SAP130: variants seen among roughly 807,000 people sequenced by gnomAD.
SAP130 encodes histone deacetylase complex subunit SAP130.
SAP130 carries 16 observed loss-of-function variants against 103.2 expected under a neutral mutation model. The ratio of observed to expected loss-of-function variants is 0.16; its 90% CI spans 0.10 to 0.24. The LOEUF is 0.24. Among genes scored for constraint, SAP130 ranks in the 10% least tolerant of loss-of-function variants. SAP130 has a pLI of 1.00. For missense variants in SAP130, 990 were observed against 1,359.7 expected, an observed-to-expected ratio of 0.73 and a Z score of 4.28; for synonymous variants, 477 against 497.0, an observed-to-expected ratio of 0.96 and a Z score of 0.53.
chr2:127,973,087 C>CT (rs1344812522), intron 15 of SAP130, among the ~76,000 whole-genome samples: 2 of 152,152 alleles, frequency 1.3e-5, no homozygotes, highest in Non-Finnish European at 2.9e-5. Context: ...ATGCTATGTC[C>CT]TCAAGCCTGG....
Position 127,941,337 on chromosome 2 carries a change from A to C in SAP130, c.*669T>G, listed in dbSNP as rs1051420184. ...ACCAAGAATGTACTTCAGAACAAGG[A>C]TCTGAGAGCAACTTATGGTGTTGCC... On this transcript the variant is annotated 3_prime_UTR_variant, in exon 21 of 21. Coordinates refer to ENST00000643581, the MANE Select transcript of SAP130 (RefSeq NM_001330301.2). 2.6e-5 allele frequency: 4 copies of C among 152,230 alleles called. No individual in the cohort carries two copies. The highest frequency in any genetic ancestry group is 9.7e-5 in the African/African-American group (4 of 41,444). The allele number at this position is 152,230 out of a possible 1,614,324, so 9.4% of individuals were successfully genotyped here. A position where few individuals can be genotyped will look rare whatever the true frequency, so the allele number is the denominator to read the frequency against.
intron 15 of SAP130, among the ~76,000 whole-genome samples, chr2:127,962,716 C>T (rs1278844949): frequency 4.1e-5 from 4 of 97,320 alleles, no homozygotes; most frequent in Non-Finnish European, 6.0e-5. Flanking sequence ...CATCACACAC[C>T]GGGGACTGTT....
chr2:128,005,636 T>C (rs1352072387), intron 7 of SAP130, among the ~76,000 whole-genome samples: 4 of 151,520 alleles, frequency 2.6e-5, no homozygotes, highest in South Asian at 4.2e-4. Context: ...AAACTGTTCA[T>C]ATAGTTTTTC....
intron 4 of SAP130, 25 bp downstream of exon 4, chr2:128,016,364 T>C: frequency 6.2e-7 from 1 of 1,601,546 alleles, no homozygotes; most frequent in Admixed American, 1.7e-5. Context: ...AGTTTGAAAA[T>C]CAGCAAATTA....
Position 127,996,389 on chromosome 2 carries a change from G to T in SAP130, c.1316C>A (p.Ser439Tyr). 6.2e-7 allele frequency: 1 copy of T among 1,611,610 alleles called. No homozygotes were observed. Among genetic ancestry groups the T allele is most frequent in the Non-Finnish European group, 8.5e-7 (1 of 1,178,920 alleles). ...GGTTTCCATGGCCACAGGATTGGGA[G>T]AGGCCCGATGTCCGGAGATGGGAAT... The part of the protein sequence containing the change: ...SLIPISGHRA[S>Y]PNPVAMETRS... Residue 439 changes from serine to tyrosine, a missense_variant, in exon 11 of 21, where the codon TCT (serine) becomes TAT (tyrosine). Around this residue, in one of 6 missense-constraint regions of SAP130, gnomAD observed 336 missense variants for 520.1 expected, o/e 0.65. Transcript: ENST00000643581. The surrounding 1 kb of genome is among the most constrained non-coding windows in gnomAD (Gnocchi z 4.3).
At position 127,976,985 on chromosome 2, in the gene SAP130, A is replaced by G. The variant is rs1198168994; in HGVS notation, c.2063+1000T>C. 2.6e-5 allele frequency among the ~76,000 whole-genome samples: 4 copies of G among 152,254 alleles called. No homozygotes were observed. In the East Asian group the frequency reaches 7.7e-4, roughly 29 times the overall value. On this transcript the variant is annotated intron_variant, in intron 15 of 20. Transcript: ENST00000643581. ...ACGTGGAAAGATACTTATCAGAACT[A>G]TTATCTTGATCATAGAGGAAGTCTA... is the stretch of plus-strand genomic sequence containing the variant.
chr2:128,024,412 G>A (rs749682983), intron 2 of SAP130, among the ~76,000 whole-genome samples: 7 of 152,034 alleles, frequency 4.6e-5, no homozygotes, highest in Non-Finnish European at 7.4e-5. Context: ...AGAAAACGCA[G>A]AGCAATTAAA....
chr2:127,982,630 G>C lies in SAP130; in HGVS notation c.1958+4155C>G, dbSNP rs116692129. ...TTTGATGGGCTGCTTTAAGACCTTAGTGCGTCTGCGAGGCTAAGCAAGACC... is the reference window on the plus strand; with the variant it reads ...TTTGATGGGCTGCTTTAAGACCTTACTGCGTCTGCGAGGCTAAGCAAGACC... On this transcript the variant is annotated intron_variant, in intron 14 of 20. Transcript: ENST00000643581. Among the ~76,000 whole-genome samples, 689 of 152,332 alleles carry C rather than the reference G, an allele frequency of 4.5e-3. 6 individuals carry two copies. The highest frequency in any genetic ancestry group is 0.016 in the African/African-American group (647 of 41,572).
Position 127,996,141 on chromosome 2 carries a change from G to C in SAP130, c.1355+209C>G, listed in dbSNP as rs1344086112. 6.6e-6 allele frequency among the ~76,000 whole-genome samples: 1 copy of C among 151,400 alleles called. No individual in the cohort carries two copies. Among genetic ancestry groups the C allele is most frequent in the Non-Finnish European group, 1.5e-5 (1 of 67,860 alleles). ...TTAAACACACAAAACCCAAAAAATG[G>C]ATACTAGGAAAACATCCATCAAAAG... is the stretch of plus-strand genomic sequence containing the variant. On this transcript the variant is annotated intron_variant, in intron 11 of 20. Coordinates refer to ENST00000643581, the MANE Select transcript of SAP130 (RefSeq NM_001330301.2). This position sits in a 1 kb window ranked among gnomAD's most constrained non-coding sequence, Gnocchi z 4.3.
At chr2:128,016,592 G>A (rs1162615263) in intron 3 of SAP130, 45 bp from the exon 4 acceptor site, 3 of 1,557,920 alleles carry the variant, frequency 1.9e-6, no homozygotes, top group African/African-American at 2.7e-5. Context: ...GCCTCATACT[G>A]GTGATGCATT....
rs535936662 is a variant in SAP130, at chr2:128,018,326, A to C, written c.113-411T>G. Among the ~76,000 whole-genome samples, 104 of 150,066 alleles carry C rather than the reference A, an allele frequency of 6.9e-4. 1 individual carries two copies. Among genetic ancestry groups the C allele is most frequent in the Non-Finnish European group, 1.1e-3 (75 of 67,652 alleles). On this transcript the variant is annotated intron_variant, in intron 2 of 20. Transcript: ENST00000643581. ...CTACTAAAAATACAAAAAAAAAAAA[A>C]AAAAACAAACCAAAAACCAAAAACC...
At position 127,950,172 on chromosome 2, in the gene SAP130, T is replaced by G. The variant is rs772306610; in HGVS notation, c.2659A>C (p.Lys887Gln). 7 of 1,614,064 alleles carry G rather than the reference T, an allele frequency of 4.3e-6. No homozygotes were observed. The highest frequency in any genetic ancestry group is 5.9e-6 in the Non-Finnish European group (7 of 1,180,032). Residue 887 changes from lysine to glutamine, a missense_variant, in exon 17 of 21, where the codon AAG becomes CAG. Lys to Gln is a moderately conservative substitution (Grantham distance 53). Transcript: ENST00000643581. ...CTGTGACCATTACCAATATACTCCT[T>G]GGGAGGAGACTTGCGCTTCTCAGCC... ...VKAEKRKSPP[K>Q]EYIDEEGVRY...
chr2:127,995,052 T>C (rs1426687726), intron 11 of SAP130, among the ~76,000 whole-genome samples: 1 of 152,032 alleles, frequency 6.6e-6, no homozygotes, highest in East Asian at 1.9e-4. Flanking sequence ...GTGTATACTG[T>C]ATAGGGTTCT....
At chr2:127,954,562 T>C (rs914456989) in intron 16 of SAP130, among the ~76,000 whole-genome samples, 2 of 152,134 alleles carry the variant, frequency 1.3e-5, no homozygotes, top group Non-Finnish European at 2.9e-5. Flanking sequence ...ACTAATCACA[T>C]ATAGGTTTTT....
chr2:128,025,201 C>T (rs966931405), intron 2 of SAP130, among the ~76,000 whole-genome samples: 6 of 152,224 alleles, frequency 3.9e-5, no homozygotes, highest in Admixed American at 2.6e-4. Flanking sequence ...TTCAGCACTG[C>T]TGACTGGACT....
intron 7 of SAP130, among the ~76,000 whole-genome samples, chr2:128,004,320 C>T (rs1683804484): frequency 1.4e-5 from 2 of 147,620 alleles, no homozygotes; most frequent in South Asian, 4.3e-4. Context: ...GACAACCAAA[C>T]AGGGACTCAG....
At chr2:127,987,978 T>C (rs1682518716) in intron 13 of SAP130, among the ~76,000 whole-genome samples, 1 of 152,252 alleles carries the variant, frequency 6.6e-6, no homozygotes, top group Non-Finnish European at 1.5e-5. Context: ...ATGAGTTTTC[T>C]GGCAGGTGCC....
intron 18 of SAP130, among the ~76,000 whole-genome samples, chr2:127,946,748 G>A (rs1679103253): frequency 6.6e-6 from 1 of 151,454 alleles, no homozygotes; most frequent in Non-Finnish European, 1.5e-5. Flanking sequence ...GCGGGGTGTG[G>A]TGGTGGGCGC....
rs182618168 is a variant in SAP130 at position 128,026,621 on chromosome 2, C to T, written c.-6-323G>A. 5.7e-3 allele frequency among the ~76,000 whole-genome samples: 861 copies of T among 152,322 alleles called. 7 individuals are homozygous for T. Among genetic ancestry groups the T allele is most frequent in the Non-Finnish European group, 7.6e-3 (518 of 68,032 alleles). Reference sequence around the variant, plus strand: ...ATTACCACAATGCATGTGTATTTCTCTGTGTAAAGTTTTATGGAAAATGGC... The same window carrying T: ...ATTACCACAATGCATGTGTATTTCTTTGTGTAAAGTTTTATGGAAAATGGC... On this transcript the variant is annotated intron_variant, in intron 1 of 20. Coordinates refer to ENST00000643581, the MANE Select transcript of SAP130 (RefSeq NM_001330301.2).
Sources: allele counts gnomAD v4.1 joint callset (sites outside exome capture counted in the v4.1 genomes callset), GRCh38; gene constraint gnomAD v4.1.1; regional missense constraint gnomAD v4.1.1; non-coding constraint Gnocchi (gnomAD v3.1); transcripts MANE v1.5; gene names NCBI Gene and HGNC (gene_info 2026-07-23, HGNC 2026-07-21).